Variants in TUSC3 observed in about 807,000 individuals in gnomAD.
TUSC3 encodes tumor suppressor candidate 3, also known as dolichyl-diphosphooligosaccharide--protein glycosyltransferase subunit TUSC3.
TUSC3 carries 45 observed loss-of-function variants against 44.8 expected under a neutral mutation model. That is an observed-to-expected ratio of 1.00 (90% CI 0.79 to 1.29). TUSC3 has a LOEUF of 1.29. TUSC3 is among the 50% of genes most tolerant of loss of function. TUSC3 has a pLI of 0.00. For missense variants in TUSC3, 519 were observed against 437.9 expected, an observed-to-expected ratio of 1.19 and a Z score of -1.65; for synonymous variants, 212 against 152.9, an observed-to-expected ratio of 1.39 and a Z score of -2.85.
At chr8:15,751,466 A>G (rs538228024) in intron 9 of TUSC3, among the ~76,000 whole-genome samples, 120 of 152,146 alleles carry the variant, frequency 7.9e-4, no homozygotes, top group African/African-American at 2.8e-3. Context: ...CCACCTATAT[A>G]TACTACCGGT....
the TUSC3 span, among the ~76,000 whole-genome samples, chr8:15,796,489 C>T: frequency 6.6e-6 from 1 of 152,192 alleles, no homozygotes; most frequent in African/African-American, 2.4e-5. Context: ...TGAGAATGGC[C>T]TTGAGCTGTG....
At chr8:15,777,090 T>A in the TUSC3 span, among the ~76,000 whole-genome samples, 4 of 152,194 alleles carry the variant, frequency 2.6e-5, no homozygotes, top group African/African-American at 9.7e-5. Flanking sequence ...AGCTAGAATC[T>A]TCTTTGAAGA....
chr8:15,813,241 G>T, the TUSC3 span, among the ~76,000 whole-genome samples: 10 of 152,298 alleles, frequency 6.6e-5, no homozygotes, highest in South Asian at 1.7e-3. Flanking sequence ...GTAAAATGCA[G>T]TGTGGAACTA....
At chr8:15,425,280 A>C (rs1389974125) in intron 1 of TUSC3, among the ~76,000 whole-genome samples, 1 of 152,254 alleles carries the variant, frequency 6.6e-6, no homozygotes, top group African/African-American at 2.4e-5. Flanking sequence ...TGGAAACTAT[A>C]AATTGGTTGT....
chr8:15,731,672 C>T (rs1331767495), intron 7 of TUSC3, among the ~76,000 whole-genome samples: 1 of 152,084 alleles, frequency 6.6e-6, no homozygotes, highest in East Asian at 1.9e-4. Context: ...ATGTACAATA[C>T]TTTATTATGG....
intron 6 of TUSC3, among the ~76,000 whole-genome samples, chr8:15,729,981 C>T (rs778910325): frequency 2.0e-5 from 3 of 151,094 alleles, no homozygotes; most frequent in African/African-American, 7.4e-5. Context: ...TATTTTTTTT[C>T]TCCAGTTTTT....
At chr8:15,801,394 C>T in the TUSC3 span, among the ~76,000 whole-genome samples, 1 of 152,066 alleles carries the variant, frequency 6.6e-6, no homozygotes, top group Admixed American at 6.6e-5. Context: ...TGGCTGAGAG[C>T]ATGTCTGCTG....
At chr8:15,588,656 C>G (rs747440706) in intron 1 of TUSC3, among the ~76,000 whole-genome samples, 3 of 152,118 alleles carry the variant, frequency 2.0e-5, no homozygotes, top group Non-Finnish European at 4.4e-5. Context: ...AACATTTTCT[C>G]AGTGTTTTCT....
chr8:15,736,400 A>T (rs1408005244), intron 7 of TUSC3, among the ~76,000 whole-genome samples: 1 of 152,218 alleles, frequency 6.6e-6, no homozygotes, highest in East Asian at 1.9e-4. Context: ...ATTAGTATGC[A>T]TATGAAATAT....
At chr8:15,482,744 A>C (rs77859406) in intron 1 of TUSC3, among the ~76,000 whole-genome samples, 8,862 of 152,292 alleles carry the variant, frequency 0.058, 282 homozygotes, top group South Asian at 0.11. Flanking sequence ...ATGTATGTAC[A>C]GAATAATAGC....
chr8:15,806,367 T>A, the TUSC3 span: 1 of 735,674 alleles, frequency 1.4e-6, no homozygotes, highest in Non-Finnish European at 2.6e-6. Flanking sequence ...TTCCAGGTAC[T>A]TGCCCAACTC....
intron 2 of TUSC3, among the ~76,000 whole-genome samples, chr8:15,497,779 C>G (rs1800902850): frequency 6.6e-6 from 1 of 151,100 alleles, no homozygotes; most frequent in East Asian, 2.0e-4. Flanking sequence ...AAGTCTCGCT[C>G]TGTCTCCCAG....
At chr8:15,648,511 G>A (rs1332205504) in intron 2 of TUSC3, among the ~76,000 whole-genome samples, 1 of 151,642 alleles carries the variant, frequency 6.6e-6, no homozygotes. Context: ...CGGATCACGA[G>A]GTCAGGAGAT....
At chr8:15,590,971 G>A (rs908148197) in intron 1 of TUSC3, among the ~76,000 whole-genome samples, 1 of 152,134 alleles carries the variant, frequency 6.6e-6, no homozygotes, top group Non-Finnish European at 1.5e-5. Flanking sequence ...ACTGCAACCA[G>A]CCTATAATTT....
chr8:15,816,838 G>C, the TUSC3 span, among the ~76,000 whole-genome samples: 1 of 152,146 alleles, frequency 6.6e-6, no homozygotes, highest in African/African-American at 2.4e-5. Flanking sequence ...TTTAAACCAA[G>C]TATGTGCTGA....
the TUSC3 span, among the ~76,000 whole-genome samples, chr8:15,780,362 C>G: frequency 6.6e-6 from 1 of 152,104 alleles, no homozygotes; most frequent in Non-Finnish European, 1.5e-5. Flanking sequence ...CATACAGTGT[C>G]CTAACTCAAA....
intron 6 of TUSC3, among the ~76,000 whole-genome samples, chr8:15,723,859 C>A (rs1484796639): frequency 6.6e-6 from 1 of 152,198 alleles, no homozygotes; most frequent in African/African-American, 2.4e-5. Context: ...AAAGGAGACT[C>A]AGGACTAGTA....
At chr8:15,497,864 C>T (rs903291217) in intron 2 of TUSC3, among the ~76,000 whole-genome samples, 1 of 151,962 alleles carries the variant, frequency 6.6e-6, no homozygotes, top group East Asian at 1.9e-4. Context: ...CCTGCCTCAG[C>T]CTCCTGAGTA....
chr8:15,443,999 C>G (rs1366862208), intron 1 of TUSC3, among the ~76,000 whole-genome samples: 1 of 152,194 alleles, frequency 6.6e-6, no homozygotes, highest in East Asian at 1.9e-4. Flanking sequence ...ACTCTGACCC[C>G]TGAATGCTCG....
Sources: allele counts gnomAD v4.1 joint callset (sites outside exome capture counted in the v4.1 genomes callset), GRCh38; gene constraint gnomAD v4.1.1; transcripts MANE v1.5; gene names NCBI Gene and HGNC (gene_info 2026-07-23, HGNC 2026-07-21).